CAMTA1: variants seen among roughly 807,000 people sequenced by gnomAD.
CAMTA1 encodes calmodulin-binding transcription activator 1.
A neutral mutation model predicts 170.9 loss-of-function variants in CAMTA1; 27 were observed. The ratio of observed to expected loss-of-function variants is 0.16; its 90% confidence interval spans 0.12 to 0.22. The LOEUF (loss-of-function observed/expected upper bound fraction) is 0.22. CAMTA1 is among the 10% of genes least tolerant of loss of function. The pLI is 1.00. For synonymous variants in CAMTA1, 833 were observed against 891.5 expected, an observed-to-expected ratio of 0.93 and a Z score of 1.17; for missense variants, 1,619 against 2,217.2, an observed-to-expected ratio of 0.73 and a Z score of 5.42.
At chr1:7,599,989 T>A (rs1171081876) in intron 6 of CAMTA1, among the ~76,000 whole-genome samples, 5 of 151,988 alleles carry the variant, frequency 3.3e-5, no homozygotes, top group African/African-American at 4.8e-5. Flanking sequence ...TGAATAGGAG[T>A]GGTGAGAGAG....
chr1:7,048,182 G>A (rs755284127), intron 3 of CAMTA1, among the ~76,000 whole-genome samples: 3 of 152,104 alleles, frequency 2.0e-5, no homozygotes, highest in Non-Finnish European at 2.9e-5. Flanking sequence ...TTTGCTGGCT[G>A]GCTGGCCCTA....
At chr1:6,962,683 T>TGGCCCCACCCACTC (rs1690684335) in intron 3 of CAMTA1, among the ~76,000 whole-genome samples, 1 of 112,726 alleles carries the variant, frequency 8.9e-6, no homozygotes, top group South Asian at 3.1e-4. Flanking sequence ...CCCACCCACG[T>TGGCCCCACCCACTC]GGCCCCACCC....
intron 1 of CAMTA1, among the ~76,000 whole-genome samples, chr1:6,787,318 C>T (rs1381037205): frequency 6.6e-6 from 1 of 152,210 alleles, no homozygotes; most frequent in Non-Finnish European, 1.5e-5. Context: ...GTACTAGAAC[C>T]TTCCTTTGGC....
At chr1:7,013,372 C>T (rs1446129259) in intron 3 of CAMTA1, among the ~76,000 whole-genome samples, 1 of 151,818 alleles carries the variant, frequency 6.6e-6, no homozygotes, top group Non-Finnish European at 1.5e-5. Context: ...ACCACCATGC[C>T]CGGCTAATTT....
At chr1:7,111,519 T>A (rs1055475045) in intron 4 of CAMTA1, among the ~76,000 whole-genome samples, 17 of 152,176 alleles carry the variant, frequency 1.1e-4, no homozygotes, top group African/African-American at 4.1e-4. Context: ...ATCTGTGAGT[T>A]CAGAGAATGG....
Position 7,738,598 on chromosome 1 carries a change from G to A in CAMTA1, c.4182+116G>A. 1 of 1,173,224 alleles carries A rather than the reference G, an allele frequency of 8.5e-7. No homozygotes were observed. Among genetic ancestry groups the A allele is most frequent in the Non-Finnish European group, 1.2e-6 (1 of 851,834 alleles). 72.7% of individuals were successfully genotyped at this position (1,173,224 alleles called of 1,614,324 possible). On this transcript the variant is annotated intron_variant, in intron 16 of 22. Transcript: ENST00000303635. This position sits in a 1 kb window ranked among gnomAD's most constrained non-coding sequence, Gnocchi z 4.9. Reference sequence around the variant, plus strand: ...TCCTCCCCGTGAAGCCTTCGAAGTTGGCTTTGTGCAGAACATCGTTGGAGT... The same window carrying A: ...TCCTCCCCGTGAAGCCTTCGAAGTTAGCTTTGTGCAGAACATCGTTGGAGT...
At chr1:7,410,819 G>C (rs939867581) in intron 5 of CAMTA1, among the ~76,000 whole-genome samples, 1 of 152,304 alleles carries the variant, frequency 6.6e-6, no homozygotes, top group East Asian at 1.9e-4. Flanking sequence ...GCCCACACGG[G>C]GCGCTCTGCT....
At chr1:7,241,110 T>A (rs747514821) in intron 4 of CAMTA1, among the ~76,000 whole-genome samples, 3 of 152,182 alleles carry the variant, frequency 2.0e-5, no homozygotes, top group Non-Finnish European at 2.9e-5. Flanking sequence ...CAGGATAAGA[T>A]CAACATACAA....
At position 7,093,036 on chromosome 1, in the gene CAMTA1, C is replaced by T. The variant is rs550386789; in HGVS notation, c.302+1665C>T. On this transcript the variant is annotated intron_variant, in intron 4 of 22. Coordinates refer to ENST00000303635, the MANE Select transcript of CAMTA1 (RefSeq NM_015215.4). This position sits in a 1 kb window ranked among gnomAD's most constrained non-coding sequence, Gnocchi z 4.6. ...TCCACAGAGTGGGGGCAGGGGTGGGCGGTGGAGAGGATGGGAATACAGTGC... is the reference window on the plus strand; with the variant it reads ...TCCACAGAGTGGGGGCAGGGGTGGGTGGTGGAGAGGATGGGAATACAGTGC... 6.4e-4 allele frequency among the ~76,000 whole-genome samples: 97 copies of T among 152,188 alleles called. 1 individual carries two copies. In the South Asian group the frequency reaches 0.019, roughly 29 times the overall value.
In CAMTA1 at chr1:7,249,554, T is replaced by C. The variant is rs1333107104; in HGVS notation, c.366T>C (p.Tyr122=). The change falls in exon 5 of 23, where the codon TAT becomes TAC. Residue 122 remains tyrosine, a synonymous_variant. Transcript: ENST00000303635. This position sits in a 1 kb window ranked among gnomAD's most constrained non-coding sequence, Gnocchi z 4.4. ...AAGTGAAATACAGGAAAGATGGGTA[T>C]TGCTGGAAAAAGAGGAAAGATGGGA... ...RKKVKYRKDG[Y]CWKKRKDGKT... 6.8e-6 allele frequency: 11 copies of C among 1,614,046 alleles called. No homozygotes were observed. The highest frequency in any genetic ancestry group is 9.3e-6 in the Non-Finnish European group (11 of 1,179,988).
At chr1:6,832,211 G>A (rs1187844670) in intron 3 of CAMTA1, among the ~76,000 whole-genome samples, 1 of 151,852 alleles carries the variant, frequency 6.6e-6, no homozygotes, top group Non-Finnish European at 1.5e-5. Context: ...AGCTTCTGAA[G>A]TAGCTGGGAT....
chr1:7,509,888 T>C (rs1018075963), intron 6 of CAMTA1, among the ~76,000 whole-genome samples: 4 of 151,776 alleles, frequency 2.6e-5, no homozygotes, highest in Non-Finnish European at 4.4e-5. Flanking sequence ...GGATTTTCCA[T>C]GAGTTCACAA....
chr1:7,339,959 A>G (rs2083673585), intron 5 of CAMTA1, among the ~76,000 whole-genome samples: 1 of 152,184 alleles, frequency 6.6e-6, no homozygotes, highest in African/African-American at 2.4e-5. Context: ...ACATAGTGGG[A>G]AACAGACATT....
intron 5 of CAMTA1, among the ~76,000 whole-genome samples, chr1:7,250,378 C>T (rs1666442602): frequency 6.6e-6 from 1 of 152,198 alleles, no homozygotes; most frequent in South Asian, 2.1e-4. Context: ...AACTAGCATC[C>T]ACTTCCCTGC....
intron 3 of CAMTA1, among the ~76,000 whole-genome samples, chr1:7,031,730 A>G (rs1437148306): frequency 1.3e-5 from 2 of 151,760 alleles, no homozygotes; most frequent in African/African-American, 4.8e-5. Flanking sequence ...TTTAGTAGAG[A>G]CGGGGTTTCA....
chr1:7,074,909 G>T, intron 3 of CAMTA1, among the ~76,000 whole-genome samples: 1 of 152,206 alleles, frequency 6.6e-6, no homozygotes, highest in East Asian at 1.9e-4. Context: ...TGCCTTCCAT[G>T]TGAGGGCTCT....
intron 3 of CAMTA1, among the ~76,000 whole-genome samples, chr1:7,073,396 A>G (rs1287535559): frequency 2.6e-5 from 4 of 152,150 alleles, no homozygotes; most frequent in African/African-American, 9.7e-5. Context: ...CTGAAAACAT[A>G]AATTTTGGGG....
chr1:7,549,285 G>A (rs1442933022), intron 6 of CAMTA1, among the ~76,000 whole-genome samples: 2 of 151,938 alleles, frequency 1.3e-5, no homozygotes, highest in Admixed American at 6.5e-5. Context: ...CTTAGGGGTG[G>A]AGATGCCCGT....
At chr1:7,566,716 C>T (rs553963164) in intron 6 of CAMTA1, among the ~76,000 whole-genome samples, 1 of 152,366 alleles carries the variant, frequency 6.6e-6, no homozygotes, top group East Asian at 1.9e-4. Flanking sequence ...TTAGAAGGCT[C>T]TCTCAGCCTC....
Sources: gnomAD v4.1 joint callset for allele counts (sites outside exome capture counted in the v4.1 genomes callset) on GRCh38, gnomAD v4.1.1 for gene constraint, Gnocchi (gnomAD v3.1) non-coding constraint, MANE v1.5 for transcripts, NCBI Gene and HGNC (gene_info 2026-07-23, HGNC 2026-07-21) for gene names.